CD34: variants seen among roughly 807,000 people sequenced by gnomAD.
CD34 encodes the protein CD34 molecule, also known as hematopoietic progenitor cell antigen CD34.
In CD34, 34 loss-of-function variants were observed where a neutral mutation model predicts 40.1. The ratio of observed to expected loss-of-function variants is 0.85; its 90% CI spans 0.65 to 1.13. The LOEUF is 1.13. Ranked by LOEUF, CD34 falls within the 50% of genes most tolerant of loss-of-function variation. CD34 has a pLI of 0.00. For missense variants in CD34, 426 were observed against 466.9 expected, an observed-to-expected ratio of 0.91 and a Z score of 0.81; for synonymous variants, 209 against 190.0, an observed-to-expected ratio of 1.10 and a Z score of -0.82.
chr1:207,899,157 T>C lies in CD34; in HGVS notation c.332A>G (p.Gln111Arg). ...SVYGNTNSSV[Q>R]SQTSVISTVF... The stretch of plus-strand genomic sequence containing the variant: ...TGTGCTGATTACAGAGGTCTGTGAC[T>C]GGACAGAAGAGTTTGTGTTTCCATA... Residue 111 changes from glutamine to arginine, a missense_variant, in exon 3 of 8, where the codon CAG (glutamine) becomes CGG (arginine). Physicochemically the swap from Gln to Arg is conservative, Grantham distance 43. Transcript: ENST00000310833. The C allele has an allele frequency of 6.2e-7, 1 of 1,614,150 alleles. No individual in the cohort carries two copies. The highest frequency in any genetic ancestry group is 1.3e-5 in the African/African-American group (1 of 75,052).
At chr1:207,903,913 T>TAATAAGCATTAATGATGTC (rs1242905960) in intron 1 of CD34, among the ~76,000 whole-genome samples, 41 of 152,334 alleles carry the variant, frequency 2.7e-4, no homozygotes, top group Middle Eastern at 3.4e-3. Flanking sequence ...ATCTATACCT[T>TAATAAGCATTAATGATGTC]AATAAGCATT....
At chr1:207,904,880 C>T (rs1571778714) in intron 1 of CD34, among the ~76,000 whole-genome samples, 1 of 152,178 alleles carries the variant, frequency 6.6e-6, no homozygotes, top group Non-Finnish European at 1.5e-5. Context: ...ACAACTGTGG[C>T]AGGTGTGTTC....
intron 1 of CD34, among the ~76,000 whole-genome samples, chr1:207,910,526 T>C (rs996402027): frequency 1.3e-5 from 2 of 152,148 alleles, no homozygotes; most frequent in African/African-American, 4.8e-5. Flanking sequence ...TTCCTTAATG[T>C]CCACTTCTGG....
chr1:207,888,054 G>T (rs372219938), intron 7 of CD34, 131 bp from the exon 8 acceptor site: 2 of 1,610,004 alleles, frequency 1.2e-6, no homozygotes, highest in Admixed American at 3.4e-5. Context: ...AGGAAGGATC[G>T]GAGGGAGGGT....
Position 207,887,803 on chromosome 1 carries a change from C to T in CD34, c.1093G>A (p.Gly365Ser), listed in dbSNP as rs79500044. The change falls in exon 8 of 8, where the codon GGC becomes AGC. Residue 365 changes from glycine to serine, a missense_variant. Transcript: ENST00000310833. ...VNRGAQENGT[G>S]QATSRNGHSA... ...TGGCCGTTTCTGGAGGTGGCCTGGC[C>T]GGTCCCGTTTTCCTGAGCCCCTCGG... The T allele has an allele frequency of 2.5e-4, 399 of 1,614,042 alleles. 2 individuals carry two copies. Among genetic ancestry groups the T allele is most frequent in the Non-Finnish European group, 2.6e-4 (301 of 1,180,020 alleles).
At chr1:207,904,030 C>G (rs935798461) in intron 1 of CD34, among the ~76,000 whole-genome samples, 1 of 152,180 alleles carries the variant, frequency 6.6e-6, no homozygotes, top group Admixed American at 6.5e-5. Flanking sequence ...ATGTGCAATA[C>G]ATTTTGAAAA....
At chr1:207,901,167 G>A (rs1313597448) in intron 1 of CD34, among the ~76,000 whole-genome samples, 1 of 152,066 alleles carries the variant, frequency 6.6e-6, no homozygotes, top group Non-Finnish European at 1.5e-5. Context: ...ACCATTCCCA[G>A]TCAGTATCCT....
At chr1:207,899,640 A>G (rs1662233794) in intron 2 of CD34, among the ~76,000 whole-genome samples, 181 bp downstream of exon 2, 1 of 152,170 alleles carries the variant, frequency 6.6e-6, no homozygotes, top group Non-Finnish European at 1.5e-5. Context: ...GAAAACTGTC[A>G]CTGAAGGAAG....
chr1:207,888,612 T>C lies in CD34; in HGVS notation c.972+70A>G, dbSNP rs919521765. The stretch of plus-strand genomic sequence containing the variant: ...TTCTAGTATTTCTCCTCCTGCTCCA[T>C]GACATCCACTGAACTCCCCAGAAAC... On this transcript the variant is annotated intron_variant, in intron 7 of 7. Transcript: ENST00000310833. 12 of 1,460,978 alleles carry C rather than the reference T, an allele frequency of 8.2e-6. No individual in the cohort carries two copies. The African/African-American group carries it at 1.5e-4, about 19-fold the overall frequency. The allele number at this position is 1,460,978 out of a possible 1,614,324, so 90.5% of individuals were successfully genotyped here. A position where few individuals can be genotyped will look rare whatever the true frequency, so the allele number is the denominator to read the frequency against.
intron 1 of CD34, among the ~76,000 whole-genome samples, chr1:207,902,547 T>C (rs934793659): frequency 6.6e-6 from 1 of 152,128 alleles, no homozygotes; most frequent in African/African-American, 2.4e-5. Flanking sequence ...AATTAAAGGA[T>C]CACCTTCTCA....
intron 4 of CD34, among the ~76,000 whole-genome samples, chr1:207,893,478 C>T (rs1662077374): frequency 2.6e-5 from 4 of 152,100 alleles, no homozygotes; most frequent in Admixed American, 2.6e-4. Flanking sequence ...AATGAAGGGA[C>T]CTGTTTCAAG....
At position 207,899,123 on chromosome 1, in the gene CD34, G is replaced by C; in HGVS notation, c.366C>G (p.Thr122=). ...CTGGAGTTGAAACGTTGGCTGGGGT[G>C]GTGAACACTGTGCTGATTACAGAGG... The part of the protein sequence containing the change: ...SQTSVISTVF[T]TPANVSTPET... Residue 122 remains threonine (T), a synonymous_variant, in exon 3 of 8, where the codon ACC becomes ACG. Transcript: ENST00000310833. 6.2e-7 allele frequency: 1 copy of C among 1,614,222 alleles called. No individual in the cohort carries two copies. Among genetic ancestry groups the C allele is most frequent in the Non-Finnish European group, 8.5e-7 (1 of 1,180,036 alleles).
intron 7 of CD34, 39 bp from the exon 8 acceptor site, chr1:207,887,962 C>T: frequency 6.5e-7 from 1 of 1,540,664 alleles, no homozygotes; most frequent in Non-Finnish European, 8.8e-7. Flanking sequence ...ATCTGGTAAG[C>T]AGGGCTGTGA....
intron 1 of CD34, among the ~76,000 whole-genome samples, chr1:207,905,302 AT>A (rs1274821698): frequency 6.6e-6 from 1 of 152,116 alleles, no homozygotes; most frequent in Non-Finnish European, 1.5e-5. Flanking sequence ...TGCCCGGCTA[AT>A]TTTTGTATTT....
At position 207,883,656 on chromosome 1, in the gene CD34, G is replaced by A. The variant is rs1160568538; in HGVS notation, c.*4082C>T. 6.6e-6 allele frequency: 1 copy of A among 152,114 alleles called. No homozygotes were observed. The highest frequency in any genetic ancestry group is 1.5e-5 in the Non-Finnish European group (1 of 68,030). The allele number at this position is 152,114 out of a possible 1,614,324, so 9.4% of individuals were successfully genotyped here. Reference sequence around the variant, plus strand: ...TTCACAGGGTTTCTGTGAATGTTAAGTAAAATATGCTATTTAAATATTGGC... The same window carrying A: ...TTCACAGGGTTTCTGTGAATGTTAAATAAAATATGCTATTTAAATATTGGC... On this transcript the variant is annotated 3_prime_UTR_variant, in exon 8 of 8. Coordinates refer to ENST00000310833, the MANE Select transcript of CD34 (RefSeq NM_001025109.2).
rs763483645 is a variant in CD34 at position 207,889,780 on chromosome 1, T to C, written c.598-159A>G. ...GAAAAAAAAAAAACTGCTAACTGTA[T>C]ATGTGCAACAACACAATAAGAAAAA... is the stretch of plus-strand genomic sequence containing the variant. On this transcript the variant is annotated intron_variant, in intron 4 of 7. Coordinates refer to ENST00000310833, the MANE Select transcript of CD34 (RefSeq NM_001025109.2). 9 of 1,579,628 alleles carry C rather than the reference T, an allele frequency of 5.7e-6. No homozygotes were observed. In the South Asian group the frequency reaches 1.1e-4, roughly 19 times the overall value.
At chr1:207,899,315 C>T (rs1026255950) in intron 2 of CD34, 89 bp from the exon 3 acceptor site, 70 of 1,390,516 alleles carry the variant, frequency 5.0e-5, no homozygotes, top group Admixed American at 1.1e-4. Flanking sequence ...TGCACTTCAA[C>T]ACAGAAAAGG....
intron 7 of CD34, 96 bp from the exon 8 acceptor site, chr1:207,888,019 G>A (rs1661942162): frequency 3.2e-6 from 5 of 1,552,400 alleles, no homozygotes; most frequent in Admixed American, 1.9e-5. Flanking sequence ...GGGCAGGGGT[G>A]GGAGAAGGGG....
At chr1:207,898,031 T>TTTATTTATTTA (rs1662186588) in intron 3 of CD34, among the ~76,000 whole-genome samples, 1 of 143,378 alleles carries the variant, frequency 7.0e-6, no homozygotes, top group African/African-American at 2.7e-5. Flanking sequence ...ATTTTGGCTC[T>TTTATTTATTTA]TTTATTTATT....
Sources: gnomAD v4.1 joint callset for allele counts (sites outside exome capture counted in the v4.1 genomes callset) on GRCh38, gnomAD v4.1.1 for gene constraint, MANE v1.5 for transcripts, NCBI Gene and HGNC (gene_info 2026-07-23, HGNC 2026-07-21) for gene names.